The following DYNLT2B variants were observed in gnomAD, a reference collection of about 807,000 sequenced individuals.
The protein encoded by DYNLT2B is dynein light chain Tctex-type 2B, also known as dynein light chain Tctex-type protein 2B.
In DYNLT2B, 14 loss-of-function variants were observed where a neutral mutation model predicts 19.5. That is an observed-to-expected ratio of 0.72 (90% confidence interval 0.47 to 1.12). The LOEUF is 1.12. Among genes scored for constraint, DYNLT2B ranks in the 50% most tolerant of loss-of-function variants. The probability of loss-of-function intolerance (pLI) is 0.00; values close to 1 mark genes in which losing one functional copy is unlikely to be tolerated. For synonymous variants in DYNLT2B, 70 were observed against 59.7 expected (o/e 1.17, Z -0.79); for missense variants, 133 against 174.7 (o/e 0.76, Z 1.35).
At chr3:196,302,408 G>A (rs1726379362) in intron 3 of DYNLT2B, among the ~76,000 whole-genome samples, 1 of 152,174 alleles carries the variant, frequency 6.6e-6, no homozygotes, top group Non-Finnish European at 1.5e-5. Context: ...GTGCTGGAAA[G>A]TAAGGAAGTG....
At chr3:196,317,470 AGT>A (rs758076354) in intron 1 of DYNLT2B, among the ~76,000 whole-genome samples, 873 of 11,854 alleles carry the variant, frequency 0.074, 149 homozygotes, top group Non-Finnish European at 0.1. Context: ...TATTTTTTTC[AGT>A]GTGTGTGTGT....
chr3:196,308,924 A>C (rs1726561546), intron 2 of DYNLT2B, among the ~76,000 whole-genome samples: 1 of 152,086 alleles, frequency 6.6e-6, no homozygotes, highest in Non-Finnish European at 1.5e-5. Context: ...TAAAAAAAAA[A>C]CCCACACCAT....
chr3:196,302,789 G>A (rs62409173), intron 3 of DYNLT2B, among the ~76,000 whole-genome samples: 2,588 of 152,160 alleles, frequency 0.017, 40 homozygotes, highest in Non-Finnish European at 0.024. Flanking sequence ...GACAGTGAAA[G>A]AGATCCAACC....
rs1170020381 is a variant in DYNLT2B, at chr3:196,318,141, G to A, written c.12C>T (p.Ser4=). 6.5e-7 allele frequency: 1 copy of A among 1,536,902 alleles called. No homozygotes were observed. The highest frequency in any genetic ancestry group is 8.7e-7 in the Non-Finnish European group (1 of 1,148,820). The change falls in exon 1 of 5, where the codon TCC becomes TCT. Residue 4 remains serine, a synonymous_variant. Coordinates refer to ENST00000325318, the MANE Select transcript of DYNLT2B (RefSeq NM_152773.5). ...CGCCCACCGAGAAGGACACTCCGATGGACGTGGCCATGCCGGGGCTTCTCG... is the reference window on the plus strand; with the variant it reads ...CGCCCACCGAGAAGGACACTCCGATAGACGTGGCCATGCCGGGGCTTCTCG... MAT[S]IGVSFSVGDG... is the part of the protein sequence containing the mutation.
chr3:196,314,013 G>A (rs951705357), intron 2 of DYNLT2B, among the ~76,000 whole-genome samples: 6 of 151,642 alleles, frequency 4.0e-5, no homozygotes, highest in Non-Finnish European at 7.4e-5. Context: ...CAGGAGAATC[G>A]CTTGAACCCA....
At chr3:196,314,944 A>G (rs1726740700) in intron 2 of DYNLT2B, among the ~76,000 whole-genome samples, 1 of 152,190 alleles carries the variant, frequency 6.6e-6, no homozygotes, top group South Asian at 2.1e-4. Flanking sequence ...TAAGGGAAGT[A>G]GCTAAGGATT....
chr3:196,296,819 CAG>C (rs1726234470), intron 3 of DYNLT2B, among the ~76,000 whole-genome samples: 1 of 152,014 alleles, frequency 6.6e-6, no homozygotes, highest in African/African-American at 2.4e-5. Context: ...GAGGCTGAGA[CAG>C]GGAGTATCAT....
At chr3:196,310,788 T>C (rs558977403) in intron 2 of DYNLT2B, among the ~76,000 whole-genome samples, 1 of 152,112 alleles carries the variant, frequency 6.6e-6, no homozygotes, top group African/African-American at 2.4e-5. Flanking sequence ...CAGGCTGGAA[T>C]GCAGTGGGGC....
intron 3 of DYNLT2B, chr3:196,296,336 G>T (rs1283907060): frequency 5.7e-6 from 2 of 349,578 alleles, no homozygotes; most frequent in Non-Finnish European, 1.1e-5. Flanking sequence ...TGGCTACAGG[G>T]ATCAATACTA....
intron 4 of DYNLT2B, among the ~76,000 whole-genome samples, chr3:196,293,645 C>T (rs1394506003): frequency 2.2e-5 from 2 of 91,704 alleles, no homozygotes; most frequent in South Asian, 1.0e-3. Flanking sequence ...AAACAAGATG[C>T]ATTTTTTTTT....
In DYNLT2B at chr3:196,299,355, G is replaced by A. The variant is rs1726294336; in HGVS notation, c.318-3286C>T. Among the ~76,000 whole-genome samples the A allele has an allele frequency of 2.0e-5, 3 of 151,930 alleles. No individual in the cohort carries two copies. In the South Asian group the frequency reaches 6.2e-4, roughly 32 times the overall value. On this transcript the variant is annotated intron_variant, in intron 3 of 4. Coordinates refer to ENST00000325318, the MANE Select transcript of DYNLT2B (RefSeq NM_152773.5). ...CGGCCTCGGCCTCCCAAAGTGCTGG[G>A]ATTACAGGCATGAGCCACTGTGCTT... is the stretch of plus-strand genomic sequence containing the variant.
At chr3:196,294,100 C>A (rs1726163688) in intron 4 of DYNLT2B, among the ~76,000 whole-genome samples, 1 of 151,912 alleles carries the variant, frequency 6.6e-6, no homozygotes, top group African/African-American at 2.4e-5. Context: ...GCCTATAATC[C>A]CAGAACTCTG....
At position 196,314,400 on chromosome 3, in the gene DYNLT2B, T is replaced by C. The variant is rs143893808; in HGVS notation, c.247+1698A>G. 7.8e-3 allele frequency among the ~76,000 whole-genome samples: 1,154 copies of C among 147,950 alleles called. 15 individuals are homozygous for C. The highest frequency in any genetic ancestry group is 0.028 in the African/African-American group (1,102 of 39,944). On this transcript the variant is annotated intron_variant, in intron 2 of 4. Coordinates refer to ENST00000325318, the MANE Select transcript of DYNLT2B (RefSeq NM_152773.5). ...ATCACTTGAGCCCAGGAGGAGGAGG[T>C]TGCAGTGAGCTGAGATCACACCACT...
intron 2 of DYNLT2B, among the ~76,000 whole-genome samples, chr3:196,313,544 T>A (rs1010460218): frequency 6.6e-6 from 1 of 152,196 alleles, no homozygotes; most frequent in Non-Finnish European, 1.5e-5. Context: ...ATTTTTCTCA[T>A]TTTATTTTTC....
chr3:196,298,464 T>C (rs573032346), intron 3 of DYNLT2B, among the ~76,000 whole-genome samples: 1 of 152,008 alleles, frequency 6.6e-6, no homozygotes, highest in South Asian at 2.1e-4. Context: ...CACACGTGCA[T>C]TACCACGCCT....
chr3:196,314,804 C>T (rs1726732743), intron 2 of DYNLT2B, among the ~76,000 whole-genome samples: 1 of 151,804 alleles, frequency 6.6e-6, no homozygotes, highest in Admixed American at 6.6e-5. Flanking sequence ...CTGGACAAAA[C>T]AGCAAGACCC....
rs180712643 is a variant in DYNLT2B at position 196,310,615 on chromosome 3, A to G, written c.248-3603T>C. ...GGCTAAATTTTATATTTTAGTAGAG[A>G]CACGGTTTCACCATGTTGCCCAGGC... On this transcript the variant is annotated intron_variant, in intron 2 of 4. Transcript: ENST00000325318. Among the ~76,000 whole-genome samples the G allele has an allele frequency of 1.7e-3, 253 of 150,450 alleles. 1 individual carries two copies. Among genetic ancestry groups the G allele is most frequent in the Middle Eastern group, 3.4e-3 (1 of 292 alleles).
chr3:196,313,711 T>G (rs1726699031), intron 2 of DYNLT2B, among the ~76,000 whole-genome samples: 1 of 152,246 alleles, frequency 6.6e-6, no homozygotes, highest in Non-Finnish European at 1.5e-5. Context: ...CTTTGTACTT[T>G]TCTGTATTTT....
chr3:196,311,615 G>A (rs1353793362), intron 2 of DYNLT2B, among the ~76,000 whole-genome samples: 4 of 151,992 alleles, frequency 2.6e-5, no homozygotes, highest in African/African-American at 9.7e-5. Flanking sequence ...TAGAAAGTCA[G>A]AATCTTTAGA....
Sources: gnomAD v4.1 joint callset for allele counts (sites outside exome capture counted in the v4.1 genomes callset) on GRCh38, gnomAD v4.1.1 for gene constraint, MANE v1.5 for transcripts, NCBI Gene and HGNC (gene_info 2026-07-23, HGNC 2026-07-21) for gene names.